The following CSTPP1 variants were observed in gnomAD, a reference collection of about 807,000 sequenced individuals.
CSTPP1 encodes the protein centriolar satellite-associated tubulin polyglutamylase complex regulator 1.
chr11:47,141,389 CT>C, the CSTPP1 span, among the ~76,000 whole-genome samples: 1 of 151,978 alleles, frequency 6.6e-6, no homozygotes, highest in East Asian at 1.9e-4. Context: ...AATCCCAACA[CT>C]TGGGGAGGCT....
the CSTPP1 span, among the ~76,000 whole-genome samples, chr11:47,134,902 A>G: frequency 1.3e-3 from 193 of 152,232 alleles, 2 homozygotes; most frequent in East Asian, 0.033. Flanking sequence ...TGAGGCGGGA[A>G]GTTCAAGACT....
At chr11:47,080,004 G>A in the CSTPP1 span, among the ~76,000 whole-genome samples, 2 of 152,088 alleles carry the variant, frequency 1.3e-5, no homozygotes, top group East Asian at 3.9e-4. Context: ...GGGTGAGGCA[G>A]GAGAATCACG....
chr11:47,041,152 G>A, the CSTPP1 span: 2 of 201,156 alleles, frequency 9.9e-6, no homozygotes, highest in Non-Finnish European at 2.2e-5. Context: ...AGTGTTCTCC[G>A]TCTGGTTCAG....
the CSTPP1 span, among the ~76,000 whole-genome samples, chr11:47,056,772 CT>C: frequency 6.6e-6 from 1 of 152,180 alleles, no homozygotes; most frequent in Non-Finnish European, 1.5e-5. Flanking sequence ...AGTGAAAACT[CT>C]TGGCGGCAAG....
At chr11:47,126,748 AT>A in the CSTPP1 span, among the ~76,000 whole-genome samples, 1 of 152,048 alleles carries the variant, frequency 6.6e-6, no homozygotes, top group Non-Finnish European at 1.5e-5. Context: ...CCTGAGCAAT[AT>A]GGCGAAACCT....
chr11:47,001,813 ATGT>A, the CSTPP1 span, among the ~76,000 whole-genome samples: 2 of 152,156 alleles, frequency 1.3e-5, no homozygotes, highest in African/African-American at 2.4e-5. Context: ...AGTTTAAATA[ATGT>A]TGTTTGGGGT....
At chr11:46,952,116 C>G in the CSTPP1 span, among the ~76,000 whole-genome samples, 1 of 152,218 alleles carries the variant, frequency 6.6e-6, no homozygotes, top group Non-Finnish European at 1.5e-5. Flanking sequence ...TGCAATGGCT[C>G]ATACAAGAAG....
At chr11:47,099,763 T>C in the CSTPP1 span, among the ~76,000 whole-genome samples, 1 of 152,230 alleles carries the variant, frequency 6.6e-6, no homozygotes, top group Admixed American at 6.5e-5. Context: ...ATGAAAAAGA[T>C]TAGCCTTTTC....
At chr11:47,164,197 T>C in the CSTPP1 span, 12 of 1,612,800 alleles carry the variant, frequency 7.4e-6, no homozygotes, top group East Asian at 1.8e-4. Flanking sequence ...CTGGAGAGAG[T>C]GTCCTCAGCT....
At chr11:47,095,382 T>G in the CSTPP1 span, among the ~76,000 whole-genome samples, 5 of 152,344 alleles carry the variant, frequency 3.3e-5, no homozygotes, top group South Asian at 1.0e-3. Context: ...AATACTCACA[T>G]GATTATTAGA....
the CSTPP1 span, among the ~76,000 whole-genome samples, chr11:47,102,088 G>A: frequency 6.6e-6 from 1 of 152,094 alleles, no homozygotes; most frequent in Non-Finnish European, 1.5e-5. Context: ...TTGACTTTTA[G>A]GAGAATGATT....
chr11:47,122,018 C>A, the CSTPP1 span, among the ~76,000 whole-genome samples: 1 of 130,298 alleles, frequency 7.7e-6, no homozygotes, highest in Non-Finnish European at 1.5e-5. Flanking sequence ...GTGCAATAAG[C>A]TATGATCACA....
chr11:46,991,227 C>T, the CSTPP1 span, among the ~76,000 whole-genome samples: 2 of 147,486 alleles, frequency 1.4e-5, no homozygotes, highest in African/African-American at 5.0e-5. Flanking sequence ...TTCTGTTCTC[C>T]AGAGGCTCCT....
the CSTPP1 span, among the ~76,000 whole-genome samples, chr11:47,153,067 GT>G: frequency 6.6e-6 from 1 of 152,170 alleles, no homozygotes; most frequent in East Asian, 1.9e-4. Flanking sequence ...CAGTTTGGAG[GT>G]CTTTGCTAAC....
chr11:47,008,621 G>A, the CSTPP1 span, among the ~76,000 whole-genome samples: 1 of 152,116 alleles, frequency 6.6e-6, no homozygotes, highest in Non-Finnish European at 1.5e-5. Context: ...GATTACAGGT[G>A]TGAACCACTG....
chr11:47,164,299 G>A, the CSTPP1 span: 1 of 1,555,056 alleles, frequency 6.4e-7, no homozygotes, highest in Non-Finnish European at 8.7e-7. Flanking sequence ...AGAGGACACT[G>A]CTTCACTCAG....
the CSTPP1 span, chr11:47,161,344 C>T: frequency 1.3e-6 from 2 of 1,584,832 alleles, no homozygotes; most frequent in Non-Finnish European, 8.6e-7. Context: ...GTGTCCCTCC[C>T]TCTGAGTCCT....
At chr11:47,141,352 A>G in the CSTPP1 span, among the ~76,000 whole-genome samples, 1 of 152,162 alleles carries the variant, frequency 6.6e-6, no homozygotes, top group Admixed American at 6.5e-5. Flanking sequence ...AGTAGAATTG[A>G]GGCCAGGCAC....
the CSTPP1 span, among the ~76,000 whole-genome samples, chr11:47,077,635 A>T: frequency 6.6e-6 from 1 of 152,240 alleles, no homozygotes; most frequent in African/African-American, 2.4e-5. Flanking sequence ...GAGATCTAGC[A>T]TCAAGGGGTG....
Sources: gnomAD v4.1 joint callset for allele counts (sites outside exome capture counted in the v4.1 genomes callset) on GRCh38, gnomAD v4.1.1 for gene constraint, MANE v1.5 for transcripts, NCBI Gene and HGNC (gene_info 2026-07-23, HGNC 2026-07-21) for gene names.